Variants in CYLD observed in about 807,000 individuals in gnomAD.
CYLD encodes the protein CYLD lysine 63 deubiquitinase, also known as ubiquitin carboxyl-terminal hydrolase CYLD.
In CYLD, 26 loss-of-function variants were observed where a neutral mutation model predicts 104.5. That is an observed-to-expected ratio of 0.25 (90% CI 0.18 to 0.35). CYLD has a LOEUF of 0.35. CYLD is among the 10% of genes least tolerant of loss of function. CYLD has a pLI of 1.00. For missense variants in CYLD, 703 were observed against 1,136.1 expected (o/e 0.62, Z 5.48); for synonymous variants, 385 against 399.9 (o/e 0.96, Z 0.45).
In CYLD at chr16:50,797,753, T is replaced by C. The variant is rs192470603; in HGVS notation, c.*1245T>C. ...GCAGAAAAGTCATCATATGTATATG[T>C]CATATGACTTTATAAAATATTTAAT... is the stretch of plus-strand genomic sequence containing the variant. On this transcript the variant is annotated 3_prime_UTR_variant, in exon 19 of 19. Transcript: ENST00000427738. The C allele has an allele frequency of 2.1e-5, 5 of 232,808 alleles. No individual in the cohort carries two copies. The highest frequency in any genetic ancestry group is 3.4e-5 in the Non-Finnish European group (4 of 117,730). The allele number at this position is 232,808 out of a possible 1,614,324, so 14.4% of individuals were successfully genotyped here.
chr16:50,774,683 A>T (rs1427361790), intron 5 of CYLD, among the ~76,000 whole-genome samples: 1 of 152,208 alleles, frequency 6.6e-6, no homozygotes, highest in Non-Finnish European at 1.5e-5. Flanking sequence ...GTCAGGGGTT[A>T]TGGATTAGGA....
intron 6 of CYLD, among the ~76,000 whole-genome samples, chr16:50,775,419 T>C (rs1969575089): frequency 6.6e-6 from 1 of 152,254 alleles, no homozygotes; most frequent in Admixed American, 6.5e-5. Flanking sequence ...TGTGTGTCTC[T>C]GGCTTTCTGT....
chr16:50,793,523 C>A, intron 16 of CYLD, 23 bp from the exon 17 acceptor site: 1 of 1,481,186 alleles, frequency 6.8e-7, no homozygotes, highest in Non-Finnish European at 9.4e-7. Flanking sequence ...CTCTTAACTT[C>A]CCTTCCCCTT....
At chr16:50,782,498 T>C (rs1970318155) in intron 11 of CYLD, 32 bp downstream of exon 11, 17 of 1,610,398 alleles carry the variant, frequency 1.1e-5, no homozygotes, top group Non-Finnish European at 1.4e-5. Context: ...TAGGTATAGA[T>C]AGTGCCATGA....
At chr16:50,773,892 C>G (rs1969395312) in intron 5 of CYLD, among the ~76,000 whole-genome samples, 1 of 152,074 alleles carries the variant, frequency 6.6e-6, no homozygotes, top group Admixed American at 6.6e-5. Context: ...ATATTTGACC[C>G]CCTCTCAGAC....
At chr16:50,780,612 G>A (rs961353072) in intron 9 of CYLD, among the ~76,000 whole-genome samples, 2 of 152,132 alleles carry the variant, frequency 1.3e-5, no homozygotes, top group Admixed American at 6.5e-5. Flanking sequence ...TCGACCTCCT[G>A]GGCTCAAGCT....
chr16:50,747,266 C>T (rs1218818499), intron 2 of CYLD, among the ~76,000 whole-genome samples: 1 of 152,158 alleles, frequency 6.6e-6, no homozygotes, highest in East Asian at 1.9e-4. Context: ...ACATATTTCA[C>T]TACCTGGCTT....
chr16:50,788,602 T>G (rs1274170121), intron 14 of CYLD, among the ~76,000 whole-genome samples: 1 of 152,106 alleles, frequency 6.6e-6, no homozygotes, highest in African/African-American at 2.4e-5. Flanking sequence ...TTGATATTGT[T>G]TGGGAAGTTC....
chr16:50,755,864 T>C (rs367967572), intron 5 of CYLD, among the ~76,000 whole-genome samples: 8 of 152,334 alleles, frequency 5.3e-5, no homozygotes, highest in African/African-American at 1.7e-4. Context: ...CCTTTTAGTT[T>C]AATTAAGTCT....
At chr16:50,775,690 G>C (rs1206199768) in intron 6 of CYLD, among the ~76,000 whole-genome samples, 1 of 152,146 alleles carries the variant, frequency 6.6e-6, no homozygotes, top group Non-Finnish European at 1.5e-5. Context: ...TCCCTGAGCA[G>C]TTCACAATGC....
intron 5 of CYLD, among the ~76,000 whole-genome samples, chr16:50,759,358 G>A (rs993756034): frequency 1.3e-5 from 2 of 152,154 alleles, no homozygotes; most frequent in Non-Finnish European, 2.9e-5. Flanking sequence ...CAGAACATTA[G>A]AAGTACCTTG....
intron 2 of CYLD, among the ~76,000 whole-genome samples, chr16:50,744,081 A>G (rs1449741380): frequency 6.6e-6 from 1 of 152,236 alleles, no homozygotes; most frequent in African/African-American, 2.4e-5. Context: ...TATAAAAATG[A>G]AGGACTTGGG....
chr16:50,793,054 T>C (rs1971582083), intron 16 of CYLD, among the ~76,000 whole-genome samples: 1 of 151,858 alleles, frequency 6.6e-6, no homozygotes, highest in South Asian at 2.1e-4. Context: ...TATGAAATGG[T>C]CATGATGTAA....
At position 50,801,817 on chromosome 16, in the gene CYLD, C is replaced by G. The variant is rs1216574329; in HGVS notation, c.*5309C>G. 1.6e-4 allele frequency: 37 copies of G among 233,322 alleles called. No homozygotes were observed. The highest frequency in any genetic ancestry group is 2.6e-4 in the Non-Finnish European group (31 of 117,842). 14.5% of individuals were successfully genotyped at this position (233,322 alleles called of 1,614,324 possible). A position where few individuals can be genotyped will look rare whatever the true frequency, so the allele number is the denominator to read the frequency against. On this transcript the variant is annotated 3_prime_UTR_variant, in exon 19 of 19. Transcript: ENST00000427738. ...CACCACATAGAATACCCCTTCCTATCAGCTCGCTCTGATTTAGCCTTAATT... is the reference window on the plus strand; with the variant it reads ...CACCACATAGAATACCCCTTCCTATGAGCTCGCTCTGATTTAGCCTTAATT...
chr16:50,777,974 T>C lies in CYLD; in HGVS notation c.1138+33T>C, dbSNP rs376290066. The C allele has an allele frequency of 2.4e-5, 29 of 1,192,892 alleles. No individual in the cohort carries two copies. The African/African-American group carries it at 4.0e-4, about 17-fold the overall frequency. The allele number at this position is 1,192,892 out of a possible 1,614,324, so 73.9% of individuals were successfully genotyped here. ...GTAATTTTAGTGTTCTTTATAATGATCCTTTCTTTCTAACTCATCAGAGAA... is the reference window on the plus strand; with the variant it reads ...GTAATTTTAGTGTTCTTTATAATGACCCTTTCTTTCTAACTCATCAGAGAA... On this transcript the variant is annotated intron_variant, in intron 8 of 18. Coordinates refer to ENST00000427738, the MANE Select transcript of CYLD (RefSeq NM_001378743.1).
At chr16:50,784,474 T>C (rs199951727) in intron 12 of CYLD, 23 bp downstream of exon 12, 437 of 1,610,200 alleles carry the variant, frequency 2.7e-4, no homozygotes, top group Non-Finnish European at 3.1e-4. Context: ...CAAATTGCTA[T>C]TTTGCCTTTA....
At chr16:50,787,900 A>G (rs1971013503) in intron 14 of CYLD, 48 bp downstream of exon 14, 2 of 1,049,892 alleles carry the variant, frequency 1.9e-6, no homozygotes, top group African/African-American at 3.2e-5. Context: ...GACAATTCTC[A>G]TTTCTACTGC....
intron 3 of CYLD, 138 bp downstream of exon 3, chr16:50,750,340 C>A: frequency 9.7e-7 from 1 of 1,026,758 alleles, no homozygotes; most frequent in Non-Finnish European, 1.5e-6. Context: ...TAATATTCAT[C>A]ATCCTTGCTG....
intron 5 of CYLD, among the ~76,000 whole-genome samples, chr16:50,761,528 A>G (rs1005415709): frequency 6.6e-6 from 1 of 152,080 alleles, no homozygotes; most frequent in African/African-American, 2.4e-5. Context: ...TGGGTATCTC[A>G]TATTAGTGGA....
Sources: gnomAD v4.1 joint callset for allele counts (sites outside exome capture counted in the v4.1 genomes callset) on GRCh38, gnomAD v4.1.1 for gene constraint, MANE v1.5 for transcripts, NCBI Gene and HGNC (gene_info 2026-07-23, HGNC 2026-07-21) for gene names.